NDFIP1: variants seen among roughly 807,000 people sequenced by gnomAD.
NDFIP1 encodes NEDD4 family-interacting protein 1.
NDFIP1 carries 7 observed loss-of-function variants against 28.8 expected under a neutral mutation model. The ratio of observed to expected loss-of-function variants is 0.24; its 90% CI spans 0.14 to 0.46. The LOEUF (loss-of-function observed/expected upper bound fraction) is 0.46, where lower values mean the gene tolerates loss of function less well. Ranked by LOEUF, NDFIP1 falls within the 20% of genes least tolerant of loss-of-function variation. The pLI is 0.99. For missense variants in NDFIP1, 194 were observed against 269.1 expected, an observed-to-expected ratio of 0.72 and a Z score of 1.95; for synonymous variants, 92 against 101.0, an observed-to-expected ratio of 0.91 and a Z score of 0.53.
At chr5:142,144,430 A>G (rs1181060700) in intron 6 of NDFIP1, 141 bp from the exon 7 acceptor site, 3 of 642,024 alleles carry the variant, frequency 4.7e-6, no homozygotes, top group Non-Finnish European at 8.3e-6. Context: ...AATCCTCTGC[A>G]GATTCTGGAG....
chr5:142,123,291 GA>G (rs1198765435), intron 1 of NDFIP1, among the ~76,000 whole-genome samples: 1 of 151,756 alleles, frequency 6.6e-6, no homozygotes, highest in Non-Finnish European at 1.5e-5. Context: ...AATTGTTCTT[GA>G]AATCTAAAAG....
At chr5:142,130,787 C>A (rs1006362816) in intron 1 of NDFIP1, among the ~76,000 whole-genome samples, 1 of 152,026 alleles carries the variant, frequency 6.6e-6, no homozygotes, top group Non-Finnish European at 1.5e-5. Context: ...CCCCTGTACT[C>A]CTATTACCTA....
At chr5:142,140,815 A>G (rs1757319594) in intron 6 of NDFIP1, among the ~76,000 whole-genome samples, 186 bp downstream of exon 6, 1 of 152,202 alleles carries the variant, frequency 6.6e-6, no homozygotes, top group African/African-American at 2.4e-5. Context: ...CATGCACGTT[A>G]ATAAAAAGTT....
chr5:142,112,354 C>T (rs957941043), intron 1 of NDFIP1, among the ~76,000 whole-genome samples: 5 of 151,716 alleles, frequency 3.3e-5, no homozygotes, highest in South Asian at 4.2e-4. Flanking sequence ...CACTGCACTC[C>T]TGCCTGGCGA....
intron 6 of NDFIP1, chr5:142,144,117 A>T (rs1397316193): frequency 1.3e-5 from 2 of 154,480 alleles, no homozygotes; most frequent in African/African-American, 4.8e-5. Context: ...TATACTGTCG[A>T]CAGAAAAAAC....
In NDFIP1 at chr5:142,108,972, G is replaced by T. The variant is rs1756981825; in HGVS notation, c.-3G>T. The T allele has an allele frequency of 1.4e-6, 2 of 1,444,838 alleles. No homozygotes were observed. The highest frequency in any genetic ancestry group is 1.5e-5 in the African/African-American group (1 of 67,588). The allele number at this position is 1,444,838 out of a possible 1,614,324, so 89.5% of individuals were successfully genotyped here. A position where few individuals can be genotyped will look rare whatever the true frequency, so the allele number is the denominator to read the frequency against. On this transcript the variant is annotated 5_prime_UTR_variant, in exon 1 of 8. Transcript: ENST00000253814. ...GCTCTGCTTCCCTGCTGCCGGCTGC[G>T]CCATGGCGTTGGCGTTGGCGGCGCT...
chr5:142,117,007 G>A (rs143996593), intron 1 of NDFIP1, among the ~76,000 whole-genome samples: 43 of 152,062 alleles, frequency 2.8e-4, no homozygotes, highest in Middle Eastern at 3.4e-3. Flanking sequence ...CACCGTGCCC[G>A]GCCCATATGT....
chr5:142,145,525 C>T (rs1757380053), intron 7 of NDFIP1, among the ~76,000 whole-genome samples: 1 of 151,910 alleles, frequency 6.6e-6, no homozygotes, highest in African/African-American at 2.4e-5. Context: ...GAGGCCAGTC[C>T]AGTTGAAGGT....
intron 1 of NDFIP1, among the ~76,000 whole-genome samples, chr5:142,119,761 G>T (rs1031681537): frequency 1.1e-4 from 16 of 152,002 alleles, no homozygotes; most frequent in African/African-American, 3.6e-4. Flanking sequence ...CTTAGAGAAG[G>T]TTGCAAGAAT....
intron 1 of NDFIP1, among the ~76,000 whole-genome samples, chr5:142,112,414 C>G (rs1757023925): frequency 6.6e-6 from 1 of 150,736 alleles, no homozygotes; most frequent in Non-Finnish European, 1.5e-5. Context: ...TGGTGCACAT[C>G]TGTAACTCCA....
intron 6 of NDFIP1, among the ~76,000 whole-genome samples, chr5:142,141,834 TA>T (rs1285353540): frequency 6.6e-6 from 1 of 152,120 alleles, no homozygotes; most frequent in African/African-American, 2.4e-5. Flanking sequence ...AGGTGTTTAA[TA>T]AATTGAGGAC....
At chr5:142,131,940 T>C in intron 2 of NDFIP1, 45 bp downstream of exon 2, 4 of 1,476,672 alleles carry the variant, frequency 2.7e-6, no homozygotes, top group Non-Finnish European at 3.7e-6. Context: ...AAAAACACTC[T>C]GTGCTTTGAC....
chr5:142,121,894 T>C (rs1757125602), intron 1 of NDFIP1, among the ~76,000 whole-genome samples: 1 of 152,232 alleles, frequency 6.6e-6, no homozygotes, highest in African/African-American at 2.4e-5. Flanking sequence ...TGGCCAACAC[T>C]CACTAATGTA....
chr5:142,148,631 A>T (rs1047058313), intron 7 of NDFIP1, among the ~76,000 whole-genome samples: 2 of 151,820 alleles, frequency 1.3e-5, no homozygotes, highest in Admixed American at 6.6e-5. Flanking sequence ...TGCACCTGTA[A>T]TCCCAGCTAC....
At chr5:142,126,523 C>CTTTG (rs922727992) in intron 1 of NDFIP1, among the ~76,000 whole-genome samples, 2 of 152,060 alleles carry the variant, frequency 1.3e-5, no homozygotes, top group Non-Finnish European at 2.9e-5. Flanking sequence ...TTTTCACGTG[C>CTTTG]TTTGTTTGTT....
intron 1 of NDFIP1, among the ~76,000 whole-genome samples, chr5:142,127,890 A>AGG (rs1757186174): frequency 6.6e-6 from 1 of 152,242 alleles, no homozygotes; most frequent in African/African-American, 2.4e-5. Context: ...CAGGAGGCAG[A>AGG]GGTTGCAGTG....
chr5:142,133,168 A>G (rs1757243007), intron 3 of NDFIP1, among the ~76,000 whole-genome samples: 1 of 152,210 alleles, frequency 6.6e-6, no homozygotes, highest in Admixed American at 6.5e-5. Context: ...GACCACACCT[A>G]CTGTGAGGAG....
intron 7 of NDFIP1, among the ~76,000 whole-genome samples, chr5:142,151,131 G>C (rs249638): frequency 0.67 from 102,697 of 152,150 alleles, 35,011 homozygotes; most frequent in African/African-American, 0.78. Flanking sequence ...TAGTTTGAAA[G>C]TACATGTATT....
At chr5:142,110,979 A>G (rs1346632060) in intron 1 of NDFIP1, among the ~76,000 whole-genome samples, 1 of 152,060 alleles carries the variant, frequency 6.6e-6, no homozygotes, top group Non-Finnish European at 1.5e-5. Context: ...GATTATAAGG[A>G]TATACACACA....
Sources: gnomAD v4.1 joint callset for allele counts (sites outside exome capture counted in the v4.1 genomes callset) on GRCh38, gnomAD v4.1.1 for gene constraint, MANE v1.5 for transcripts, NCBI Gene and HGNC (gene_info 2026-07-23, HGNC 2026-07-21) for gene names.